The following CDKAL1 variants were observed in gnomAD, a reference collection of about 807,000 sequenced individuals.
CDKAL1 encodes the protein CDKAL1 threonylcarbamoyladenosine tRNA methylthiotransferase.
A neutral mutation model predicts 68.2 loss-of-function variants in CDKAL1; 32 were observed. The observed-to-expected ratio is 0.47, with a 90% confidence interval of 0.35 to 0.63. CDKAL1 has a LOEUF of 0.63. Among genes scored for constraint, CDKAL1 ranks in the 30% least tolerant of loss-of-function variants. The pLI is 0.00. For missense variants in CDKAL1, 606 were observed against 696.7 expected, an observed-to-expected ratio of 0.87 and a Z score of 1.47; for synonymous variants, 234 against 244.3, an observed-to-expected ratio of 0.96 and a Z score of 0.39.
chr6:20,537,540 A>T (rs1275612124), intron 2 of CDKAL1, among the ~76,000 whole-genome samples: 2 of 150,596 alleles, frequency 1.3e-5, no homozygotes, highest in African/African-American at 2.4e-5. Context: ...CAGGAGGCAC[A>T]GGTTGCAGTG....
At chr6:20,888,468 C>G (rs1351046704) in intron 9 of CDKAL1, among the ~76,000 whole-genome samples, 1 of 149,232 alleles carries the variant, frequency 6.7e-6, no homozygotes, top group Non-Finnish European at 1.5e-5. Context: ...GTACTGAACC[C>G]ATTAACTCGT....
chr6:20,750,778 A>G (rs897972041), intron 6 of CDKAL1, among the ~76,000 whole-genome samples: 6 of 151,938 alleles, frequency 3.9e-5, no homozygotes, highest in Non-Finnish European at 7.4e-5. Context: ...AGTCTGGCCA[A>G]CATGGTGAAA....
At chr6:20,733,513 G>A (rs889789189) in intron 5 of CDKAL1, among the ~76,000 whole-genome samples, 3 of 152,218 alleles carry the variant, frequency 2.0e-5, no homozygotes, top group Non-Finnish European at 4.4e-5. Context: ...AAACAAAGGT[G>A]CATTCTAGAG....
At chr6:20,978,689 T>G (rs1765963405) in intron 10 of CDKAL1, among the ~76,000 whole-genome samples, 1 of 152,224 alleles carries the variant, frequency 6.6e-6, no homozygotes, top group Admixed American at 6.5e-5. Flanking sequence ...ACAGTATATT[T>G]TCTTTGAAGT....
At chr6:21,126,547 T>A (rs1775024999) in intron 13 of CDKAL1, among the ~76,000 whole-genome samples, 1 of 152,188 alleles carries the variant, frequency 6.6e-6, no homozygotes, top group Admixed American at 6.5e-5. Context: ...CTTCTGGCTC[T>A]TCTGTAAACT....
chr6:20,938,613 A>G (rs1389994063), intron 9 of CDKAL1, among the ~76,000 whole-genome samples: 1 of 152,174 alleles, frequency 6.6e-6, no homozygotes, highest in African/African-American at 2.4e-5. Flanking sequence ...GATTAAGTTA[A>G]TTGATAGAAT....
chr6:20,610,415 T>G (rs1300497824), intron 4 of CDKAL1, among the ~76,000 whole-genome samples: 2 of 152,170 alleles, frequency 1.3e-5, no homozygotes, highest in African/African-American at 4.8e-5. Context: ...AAGCTTTTCC[T>G]TTTTCTCCCC....
intron 9 of CDKAL1, among the ~76,000 whole-genome samples, chr6:20,915,314 A>C (rs532643081): frequency 5.9e-5 from 9 of 152,260 alleles, no homozygotes; most frequent in South Asian, 4.1e-4. Context: ...ACACACCCCC[A>C]CACACACAGA....
At position 20,731,837 on chromosome 6, in the gene CDKAL1, A is replaced by C. The variant is rs1772943881; in HGVS notation, c.372-7682A>C. On this transcript the variant is annotated intron_variant, in intron 5 of 15. Transcript: ENST00000274695. Reference sequence around the variant, plus strand: ...TTAAATGGGCCCAGGCACAGAACTCATAAGTAACCAGTCTCATCCATTCAG... The same window carrying C: ...TTAAATGGGCCCAGGCACAGAACTCCTAAGTAACCAGTCTCATCCATTCAG... Among the ~76,000 whole-genome samples, 5 of 152,268 alleles carry C rather than the reference A, an allele frequency of 3.3e-5. No individual in the cohort carries two copies. The South Asian group carries it at 1.0e-3, about 32-fold the overall frequency.
chr6:20,849,451 C>T (rs1000833748), intron 9 of CDKAL1, among the ~76,000 whole-genome samples: 1 of 151,906 alleles, frequency 6.6e-6, no homozygotes, highest in South Asian at 2.1e-4. Flanking sequence ...GGCGTGGTGG[C>T]GGGTGCCTAT....
intron 8 of CDKAL1, 77 bp from the exon 9 acceptor site, chr6:20,845,998 T>A: frequency 1.2e-6 from 1 of 821,864 alleles, no homozygotes; most frequent in Non-Finnish European, 1.9e-6. Context: ...CTTTTGTGTA[T>A]GTTTTGAGGT....
At chr6:20,907,296 C>T (rs539591002) in intron 9 of CDKAL1, among the ~76,000 whole-genome samples, 18 of 152,128 alleles carry the variant, frequency 1.2e-4, no homozygotes, top group Non-Finnish European at 1.9e-4. Flanking sequence ...ATGGCATGTG[C>T]TTGTAGTCCC....
intron 8 of CDKAL1, among the ~76,000 whole-genome samples, chr6:20,833,545 C>A (rs1296652371): frequency 6.6e-6 from 1 of 151,992 alleles, no homozygotes; most frequent in Non-Finnish European, 1.5e-5. Flanking sequence ...TATGGTCTTG[C>A]AACCTGTAAC....
intron 12 of CDKAL1, among the ~76,000 whole-genome samples, chr6:21,089,903 A>C (rs1222726328): frequency 1.3e-5 from 2 of 152,238 alleles, no homozygotes; most frequent in African/African-American, 4.8e-5. Flanking sequence ...AATATTGGGA[A>C]TGCATAGCTA....
intron 10 of CDKAL1, among the ~76,000 whole-genome samples, chr6:20,961,009 A>G (rs999702978): frequency 6.6e-6 from 1 of 152,242 alleles, no homozygotes; most frequent in African/African-American, 2.4e-5. Flanking sequence ...TAGAGAGGAT[A>G]CATTAAAATC....
intron 9 of CDKAL1, among the ~76,000 whole-genome samples, chr6:20,954,696 T>G (rs1023846466): frequency 1.3e-5 from 2 of 152,162 alleles, no homozygotes; most frequent in East Asian, 1.9e-4. Flanking sequence ...TTTTGAAGCA[T>G]TATCATTGCA....
At chr6:20,877,920 C>G (rs891665582) in intron 9 of CDKAL1, among the ~76,000 whole-genome samples, 3 of 152,158 alleles carry the variant, frequency 2.0e-5, no homozygotes, top group Non-Finnish European at 4.4e-5. Flanking sequence ...CTGCTCCTGT[C>G]AAATGCACTT....
At chr6:20,900,210 A>G (rs1163657853) in intron 9 of CDKAL1, among the ~76,000 whole-genome samples, 2 of 152,176 alleles carry the variant, frequency 1.3e-5, no homozygotes, top group Non-Finnish European at 2.9e-5. Context: ...TACCTTAGAC[A>G]TTGTGTGTTT....
At chr6:20,813,969 TTTA>T (rs1203323637) in intron 8 of CDKAL1, among the ~76,000 whole-genome samples, 1 of 152,010 alleles carries the variant, frequency 6.6e-6, no homozygotes, top group African/African-American at 2.4e-5. Context: ...AAATGCCTCT[TTTA>T]TTATTGTCAT....
Sources: gnomAD v4.1 joint callset for allele counts (sites outside exome capture counted in the v4.1 genomes callset) on GRCh38, gnomAD v4.1.1 for gene constraint, MANE v1.5 for transcripts, NCBI Gene and HGNC (gene_info 2026-07-23, HGNC 2026-07-21) for gene names.